Variants in GPR160 observed in about 807,000 individuals in gnomAD.
GPR160 encodes the protein G protein-coupled receptor 160.
In GPR160, 2 loss-of-function variants were observed where a neutral mutation model predicts 2.6. That is an observed-to-expected ratio of 0.77 (90% CI 0.32 to 2.44). The LOEUF is 2.44. GPR160 is among the 30% of genes most tolerant of loss of function. The pLI is 0.11. For synonymous variants in GPR160, 130 were observed against 132.2 expected (o/e 0.98, Z 0.12); for missense variants, 351 against 383.6 (o/e 0.91, Z 0.71).
chr3:170,044,324 C>CAAA (rs57817027), intron 2 of GPR160, among the ~76,000 whole-genome samples: 1 of 89,238 alleles, frequency 1.1e-5, no homozygotes, highest in African/African-American at 4.7e-5. Context: ...AACTCCATCT[C>CAAA]AAAAAAAAAA....
chr3:170,051,414 G>A (rs1482057214), intron 2 of GPR160, among the ~76,000 whole-genome samples: 1 of 152,148 alleles, frequency 6.6e-6, no homozygotes, highest in African/African-American at 2.4e-5. Flanking sequence ...ATATCTGGAT[G>A]CAAATTCTTT....
At chr3:170,075,121 A>G (rs1712787469) in intron 2 of GPR160, among the ~76,000 whole-genome samples, 1 of 152,116 alleles carries the variant, frequency 6.6e-6, no homozygotes, top group South Asian at 2.1e-4. Context: ...CCTGCTACTT[A>G]GCAGGCTGAG....
chr3:170,069,328 G>A (rs1391443642), intron 2 of GPR160, among the ~76,000 whole-genome samples: 1 of 152,172 alleles, frequency 6.6e-6, no homozygotes, highest in Non-Finnish European at 1.5e-5. Context: ...GATTTTTGAG[G>A]GTCCTGAGGT....
chr3:170,078,474 C>G (rs1712973732), intron 2 of GPR160, among the ~76,000 whole-genome samples: 1 of 152,146 alleles, frequency 6.6e-6, no homozygotes, highest in African/African-American at 2.4e-5. Flanking sequence ...CTTGGTCTGC[C>G]TGGTAATGCA....
chr3:170,053,831 C>T (rs1711512288), intron 2 of GPR160, among the ~76,000 whole-genome samples: 1 of 152,112 alleles, frequency 6.6e-6, no homozygotes. Context: ...GATTTTTCTG[C>T]ATCTCTCAAG....
chr3:170,080,742 C>T (rs185846312), intron 3 of GPR160, among the ~76,000 whole-genome samples: 2 of 152,312 alleles, frequency 1.3e-5, no homozygotes, highest in East Asian at 1.9e-4. Flanking sequence ...CAATCTGGCA[C>T]CCAGGCTGGA....
rs760827793 is a variant in GPR160 at position 170,084,449 on chromosome 3, C to G, written c.477C>G (p.Ala159=). Residue 159 remains alanine, a synonymous_variant, in exon 4 of 4, where the codon GCC becomes GCG. Transcript: ENST00000355897. ...TTGCTTATGTTTTGGGAGACCCAGC[C>G]ATCTACCAAAGCCTGAAGGCACAGA... The part of the protein sequence containing the change: ...SVLAYVLGDP[A]IYQSLKAQNA... 1.2e-5 allele frequency: 20 copies of G among 1,612,210 alleles called. No individual in the cohort carries two copies. The highest frequency in any genetic ancestry group is 1.6e-5 in the Non-Finnish European group (19 of 1,178,472).
chr3:170,084,826 GT>G lies in GPR160; in HGVS notation c.858del (p.Leu287SerfsTer15). The G allele has an allele frequency of 6.2e-7, 1 of 1,609,378 alleles. No homozygotes were observed. The highest frequency in any genetic ancestry group is 8.5e-7 in the Non-Finnish European group (1 of 1,176,272). Reference sequence around the variant, plus strand: ...ATTCCCTGGTTATACTTTGTCAATAGTTTTCTCATTGCTACAGTGTATTGGT... The same window carrying G: ...ATTCCCTGGTTATACTTTGTCAATAGTTTCTCATTGCTACAGTGTATTGGT... ...MNIPWLYFVN[S>X]FLIATVYWFN... On this transcript the variant is annotated frameshift_variant, in exon 4 of 4. Coordinates refer to ENST00000355897, the MANE Select transcript of GPR160 (RefSeq NM_014373.3). LOFTEE classifies it high-confidence loss of function.
chr3:170,077,525 A>C (rs1712915332), intron 2 of GPR160: 1 of 152,194 alleles, frequency 6.6e-6, no homozygotes, highest in South Asian at 2.1e-4. Flanking sequence ...TCTGACCTTG[A>C]GGCAGAGGGC....
Position 170,085,025 on chromosome 3 carries a change from A to G in GPR160, c.*36A>G. The G allele has an allele frequency of 4.3e-6, 5 of 1,155,888 alleles. No homozygotes were observed. Among genetic ancestry groups the G allele is most frequent in the Non-Finnish European group, 6.0e-6 (5 of 832,130 alleles). 71.6% of individuals were successfully genotyped at this position (1,155,888 alleles called of 1,614,324 possible). A position where few individuals can be genotyped will look rare whatever the true frequency, so the allele number is the denominator to read the frequency against. Reference sequence around the variant, plus strand: ...TAAAAGTTACAGCTGTCATAAGATCATAATTTTATGAACAGAAAGAACTCA... The same window carrying G: ...TAAAAGTTACAGCTGTCATAAGATCGTAATTTTATGAACAGAAAGAACTCA... On this transcript the variant is annotated 3_prime_UTR_variant, in exon 4 of 4. Transcript: ENST00000355897.
At chr3:170,041,113 A>G (rs982090121) in intron 2 of GPR160, among the ~76,000 whole-genome samples, 1 of 152,114 alleles carries the variant, frequency 6.6e-6, no homozygotes, top group African/African-American at 2.4e-5. Context: ...AAGGGGAGGT[A>G]TATTTCCAAA....
rs1716297407 is a variant in GPR160 at position 170,038,545 on chromosome 3, C to T, written c.-322+330C>T. 6.6e-6 allele frequency: 1 copy of T among 152,204 alleles called. No individual in the cohort carries two copies. Among genetic ancestry groups the T allele is most frequent in the South Asian group, 2.1e-4 (1 of 4,836 alleles). The allele number at this position is 152,204 out of a possible 1,614,324, so 9.4% of individuals were successfully genotyped here. A position where few individuals can be genotyped will look rare whatever the true frequency, so the allele number is the denominator to read the frequency against. ...CACCCAGAGACTCGCCACCCTCTCT[C>T]CAGGGGAGATGCTTTTTAAACATGA... On this transcript the variant is annotated intron_variant, in intron 1 of 3. Transcript: ENST00000355897. This position sits in a 1 kb window ranked among gnomAD's most constrained non-coding sequence, Gnocchi z 5.3.
chr3:170,079,813 GCAAGGAAC>G lies in GPR160; in HGVS notation c.-149_-142del, dbSNP rs1402402398. ...GCATATTGGTATATCAAAATGAAATGCAAGGAACCAAAAATAACATAATTGAAGGCAGT... is the reference window on the plus strand; with the variant it reads ...GCATATTGGTATATCAAAATGAAATGCAAAAATAACATAATTGAAGGCAGT... On this transcript the variant is annotated 5_prime_UTR_variant, in exon 3 of 4. The change abolishes the stop of an existing upstream ORF in the 5' untranslated region. Transcript: ENST00000355897. 3 of 152,178 alleles carry G rather than the reference GCAAGGAAC, an allele frequency of 2.0e-5. No individual in the cohort carries two copies. The highest frequency in any genetic ancestry group is 4.8e-5 in the African/African-American group (2 of 41,442). 9.4% of individuals were successfully genotyped at this position (152,178 alleles called of 1,614,324 possible).
At chr3:170,071,544 G>A (rs1463914517) in intron 2 of GPR160, among the ~76,000 whole-genome samples, 1 of 152,102 alleles carries the variant, frequency 6.6e-6, no homozygotes. Context: ...TGTAATCCCA[G>A]CACTTTGGGA....
intron 2 of GPR160, among the ~76,000 whole-genome samples, chr3:170,066,612 A>T (rs1324826037): frequency 2.0e-5 from 3 of 152,152 alleles, no homozygotes; most frequent in Non-Finnish European, 2.9e-5. Context: ...TAATCTACTT[A>T]ATGGTTCTCT....
At chr3:170,050,061 C>CA (rs1293440813) in intron 2 of GPR160, among the ~76,000 whole-genome samples, 1 of 150,408 alleles carries the variant, frequency 6.6e-6, no homozygotes, top group African/African-American at 2.5e-5. Flanking sequence ...TCAGACAATT[C>CA]CTTTTTTTTT....
chr3:170,039,809 CG>C (rs913909520), intron 2 of GPR160, among the ~76,000 whole-genome samples: 9 of 152,156 alleles, frequency 5.9e-5, no homozygotes, highest in Non-Finnish European at 1.2e-4. Context: ...CTTTTGGTAA[CG>C]GTATCCTGAT....
rs1293395133 is a variant in GPR160 at position 170,064,509 on chromosome 3, CT to C, written c.-192-15261del. On this transcript the variant is annotated intron_variant, in intron 2 of 3. Transcript: ENST00000355897. ...TACACGGGACCCATTCTTTTCTTTT[CT>C]TTTCTTTTTTTTTTTTTTTTTTTTT... Among the ~76,000 whole-genome samples the C allele has an allele frequency of 4.4e-5, 5 of 113,484 alleles. No homozygotes were observed. The Admixed American group carries it at 4.9e-4, about 11-fold the overall frequency. The allele number at this position is 113,484 out of a possible 152,430, so 74.4% of individuals were successfully genotyped here.
intron 2 of GPR160, among the ~76,000 whole-genome samples, chr3:170,041,453 C>T (rs921781576): frequency 6.6e-6 from 1 of 152,146 alleles, no homozygotes; most frequent in African/African-American, 2.4e-5. Context: ...AGGCGCCCGC[C>T]ACCACGCCCG....
Sources: allele counts gnomAD v4.1 joint callset (sites outside exome capture counted in the v4.1 genomes callset), GRCh38; gene constraint gnomAD v4.1.1; non-coding constraint Gnocchi (gnomAD v3.1); transcripts MANE v1.5; gene names NCBI Gene and HGNC (gene_info 2026-07-23, HGNC 2026-07-21).